The following MYOCD variants were observed in gnomAD, a reference collection of about 807,000 sequenced individuals.
MYOCD encodes the protein myocardin.
A neutral mutation model predicts 96.1 loss-of-function variants in MYOCD; 32 were observed. The ratio of observed to expected loss-of-function variants is 0.33; its 90% CI spans 0.25 to 0.45. The LOEUF is 0.45. MYOCD is among the 20% of genes least tolerant of loss of function. MYOCD has a pLI of 1.00. For missense variants in MYOCD, 1,133 were observed against 1,200.6 expected (o/e 0.94, Z 0.83); for synonymous variants, 469 against 469.0 (o/e 1.00, Z 0.00).
Position 12,715,548 on chromosome 17 carries a change from C to G in MYOCD, c.151C>G (p.Gln51Glu). 1 of 1,613,578 alleles carries G rather than the reference C, an allele frequency of 6.2e-7. No homozygotes were observed. The highest frequency in any genetic ancestry group is 8.5e-7 in the Non-Finnish European group (1 of 1,179,756). The change falls in exon 3 of 14, where the codon CAA becomes GAA. Residue 51 changes from glutamine to glutamate, a missense_variant. Transcript: ENST00000425538. Reference protein sequence around the residue: ...PLKRPAEFHEQRKHLDSDKAK... With the variant: ...PLKRPAEFHEERKHLDSDKAK... ...GAAACGTCCAGCTGAATTCCATGAGCAAAGAAAACATTTGGATAGTGACAA... is the reference window on the plus strand; with the variant it reads ...GAAACGTCCAGCTGAATTCCATGAGGAAAGAAAACATTTGGATAGTGACAA...
chr17:12,690,169 A>C (rs1004228185), intron 1 of MYOCD, among the ~76,000 whole-genome samples: 13 of 152,182 alleles, frequency 8.5e-5, no homozygotes. Flanking sequence ...CTAAGTCTAT[A>C]AGGAAAAAAA....
chr17:12,742,465 G>C (rs1031116077), intron 7 of MYOCD, among the ~76,000 whole-genome samples: 1 of 152,084 alleles, frequency 6.6e-6, no homozygotes. Context: ...TCTGGACACC[G>C]GTGGAAACAC....
chr17:12,704,443 C>T (rs918053099), intron 1 of MYOCD, among the ~76,000 whole-genome samples: 4 of 152,030 alleles, frequency 2.6e-5, no homozygotes, highest in Non-Finnish European at 5.9e-5. Flanking sequence ...TGGGAACATA[C>T]TTATATTTAT....
Position 12,736,669 on chromosome 17 carries a change from A to C in MYOCD, c.591+333A>C, listed in dbSNP as rs77109349. Among the ~76,000 whole-genome samples, 672 of 152,292 alleles carry C rather than the reference A, an allele frequency of 4.4e-3. 4 individuals are homozygous for C. Among genetic ancestry groups the C allele is most frequent in the African/African-American group, 9.7e-3 (405 of 41,566 alleles). On this transcript the variant is annotated intron_variant, in intron 6 of 13. Coordinates refer to ENST00000425538, the MANE Select transcript of MYOCD (RefSeq NM_001146312.3). ...CAGTGAGATTGGATGACTCGCCAACAATCTCCCAGCTAGAAAGTGCCAGAG... is the reference window on the plus strand; with the variant it reads ...CAGTGAGATTGGATGACTCGCCAACCATCTCCCAGCTAGAAAGTGCCAGAG...
intron 8 of MYOCD, 91 bp from the exon 9 acceptor site, chr17:12,745,828 T>A: frequency 7.3e-7 from 1 of 1,366,224 alleles, no homozygotes; most frequent in Non-Finnish European, 1.0e-6. Context: ...TGCCTGACCC[T>A]TGCAGGCAAT....
In MYOCD at chr17:12,700,399, ATTTTTTT is replaced by A. The variant is rs952565560; in HGVS notation, c.56-4706_56-4700del. Among the ~76,000 whole-genome samples, 28 of 76,886 alleles carry A rather than the reference ATTTTTTT, an allele frequency of 3.6e-4. 1 individual carries two copies. The South Asian group carries it at 8.3e-3, about 23-fold the overall frequency. 50.4% of individuals were successfully genotyped at this position (76,886 alleles called of 152,430 possible). A position where few individuals can be genotyped will look rare whatever the true frequency, so the allele number is the denominator to read the frequency against. On this transcript the variant is annotated intron_variant, in intron 1 of 13. Transcript: ENST00000425538. ...ATTGGCTAACTCTAGCAATGGGAGAATTTTTTTTTTTTTTTTTTTTTTTTTTTTTGAG... is the reference window on the plus strand; with the variant it reads ...ATTGGCTAACTCTAGCAATGGGAGAATTTTTTTTTTTTTTTTTTTTTTGAG...
At chr17:12,693,892 G>T (rs1235861405) in intron 1 of MYOCD, among the ~76,000 whole-genome samples, 1 of 152,052 alleles carries the variant, frequency 6.6e-6, no homozygotes, top group Non-Finnish European at 1.5e-5. Flanking sequence ...ATACTGCTTT[G>T]ATTCTGGAAG....
chr17:12,682,767 A>G (rs955933674), intron 1 of MYOCD, among the ~76,000 whole-genome samples: 1 of 152,180 alleles, frequency 6.6e-6, no homozygotes, highest in African/African-American at 2.4e-5. Context: ...TTTTACAAAC[A>G]CCTGCATCCA....
intron 5 of MYOCD, among the ~76,000 whole-genome samples, chr17:12,728,556 C>T (rs2032068276): frequency 6.6e-6 from 1 of 152,056 alleles, no homozygotes; most frequent in Admixed American, 6.6e-5. Flanking sequence ...TTCAGCTCAC[C>T]GCAACCTCTG....
At chr17:12,703,143 G>T (rs187485282) in intron 1 of MYOCD, among the ~76,000 whole-genome samples, 8 of 151,804 alleles carry the variant, frequency 5.3e-5, no homozygotes, top group Admixed American at 1.3e-4. Context: ...TTGGGGGGCG[G>T]GGTGTTTATC....
Position 12,696,803 on chromosome 17 carries a change from G to A in MYOCD, c.56-8325G>A, listed in dbSNP as rs1209497591. On this transcript the variant is annotated intron_variant, in intron 1 of 13. Coordinates refer to ENST00000425538, the MANE Select transcript of MYOCD (RefSeq NM_001146312.3). Reference sequence around the variant, plus strand: ...CGATTCTTGATTGTACGCTAACATCGTGCCCTTGCAGATATCTGTTAGACA... The same window carrying A: ...CGATTCTTGATTGTACGCTAACATCATGCCCTTGCAGATATCTGTTAGACA... 6.6e-5 allele frequency among the ~76,000 whole-genome samples: 10 copies of A among 152,208 alleles called. No individual in the cohort carries two copies. In the South Asian group the frequency reaches 8.3e-4, roughly 13 times the overall value.
chr17:12,756,335 A>G, intron 10 of MYOCD, 79 bp from the exon 11 acceptor site: 1 of 1,480,948 alleles, frequency 6.8e-7, no homozygotes, highest in Non-Finnish European at 9.2e-7. Context: ...GACACAGGGC[A>G]GGAACCAGAA....
chr17:12,708,905 T>C (rs1461120665), intron 2 of MYOCD, among the ~76,000 whole-genome samples: 2 of 152,202 alleles, frequency 1.3e-5, no homozygotes, highest in Admixed American at 6.5e-5. Context: ...AAACCACTTA[T>C]ATTGCTATCA....
chr17:12,676,803 C>G (rs926256863), intron 1 of MYOCD, among the ~76,000 whole-genome samples: 1 of 152,186 alleles, frequency 6.6e-6, no homozygotes, highest in African/African-American at 2.4e-5. Flanking sequence ...TGCCATCTGG[C>G]TGACTTGGCT....
intron 1 of MYOCD, among the ~76,000 whole-genome samples, chr17:12,679,906 G>A (rs941285108): frequency 6.6e-6 from 1 of 152,152 alleles, no homozygotes; most frequent in East Asian, 1.9e-4. Context: ...AAAAGGCAAA[G>A]TATTAGCAGG....
At chr17:12,759,049 A>C (rs79440539) in intron 12 of MYOCD, among the ~76,000 whole-genome samples, 1 of 145,738 alleles carries the variant, frequency 6.9e-6, no homozygotes, top group Non-Finnish European at 1.5e-5. Context: ...ACTCCATCTC[A>C]AAAAAAAAAG....
intron 5 of MYOCD, among the ~76,000 whole-genome samples, chr17:12,730,446 C>CAA (rs374306460): frequency 6.0e-4 from 42 of 70,510 alleles, no homozygotes; most frequent in Non-Finnish European, 1.2e-3. Flanking sequence ...AACTCCATCT[C>CAA]AAAAAAAAAA....
intron 1 of MYOCD, among the ~76,000 whole-genome samples, chr17:12,679,633 A>G (rs1240075280): frequency 6.6e-6 from 1 of 152,186 alleles, no homozygotes; most frequent in Non-Finnish European, 1.5e-5. Flanking sequence ...ATCTTTGAGG[A>G]TGCTCTTTGC....
intron 10 of MYOCD, 131 bp downstream of exon 10, chr17:12,753,477 A>G: frequency 2.4e-6 from 2 of 824,246 alleles, no homozygotes; most frequent in South Asian, 1.9e-5. Flanking sequence ...AGAATCTCCC[A>G]GACACTACAA....
Sources: allele counts gnomAD v4.1 joint callset (sites outside exome capture counted in the v4.1 genomes callset), GRCh38; gene constraint gnomAD v4.1.1; transcripts MANE v1.5; gene names NCBI Gene and HGNC (gene_info 2026-07-23, HGNC 2026-07-21).